The following ZEB2 variants were observed in gnomAD, a reference collection of about 807,000 sequenced individuals.
ZEB2 encodes the protein zinc finger E-box binding homeobox 2.
In ZEB2, 6 loss-of-function variants were observed where a neutral mutation model predicts 99.9. The ratio of observed to expected loss-of-function variants is 0.06; its 90% CI spans 0.03 to 0.12. ZEB2 has a LOEUF of 0.12. ZEB2 is among the 10% of genes least tolerant of loss of function. The pLI, the probability that ZEB2 is intolerant of heterozygous loss-of-function variation, is 1.00. For synonymous variants in ZEB2, 517 were observed against 542.5 expected, an observed-to-expected ratio of 0.95 and a Z score of 0.65; for missense variants, 969 against 1,502.8, an observed-to-expected ratio of 0.64 and a Z score of 5.87.
chr2:144,445,442 C>T (rs1016221909), intron 2 of ZEB2, among the ~76,000 whole-genome samples: 1 of 152,080 alleles, frequency 6.6e-6, no homozygotes, highest in African/African-American at 2.4e-5. Context: ...TTCATTCTCT[C>T]TCTCTTCCTC....
rs1333557666 is a variant in ZEB2 at position 144,384,710 on chromosome 2, A to G, written c.*4741T>C. On this transcript the variant is annotated 3_prime_UTR_variant, in exon 10 of 10. Transcript: ENST00000627532. ...GATTTACTAAATATGTACAATTTCA[A>G]TTCACAGCGAAGGTAACAAAGATTT... is the stretch of plus-strand genomic sequence containing the variant. 6.6e-6 allele frequency: 1 copy of G among 152,066 alleles called. No individual in the cohort carries two copies. Among genetic ancestry groups the G allele is most frequent in the Non-Finnish European group, 1.5e-5 (1 of 67,988 alleles). The allele number at this position is 152,066 out of a possible 1,614,324, so 9.4% of individuals were successfully genotyped here.
chr2:144,469,865 C>T (rs1704331505), intron 2 of ZEB2, among the ~76,000 whole-genome samples: 1 of 152,158 alleles, frequency 6.6e-6, no homozygotes, highest in African/African-American at 2.4e-5. Context: ...AGTGCATCTG[C>T]TCATTTGATA....
chr2:144,495,663 C>T (rs1290966498), intron 2 of ZEB2: 2 of 152,248 alleles, frequency 1.3e-5, no homozygotes, highest in Non-Finnish European at 2.9e-5. Context: ...AAGTACTGTG[C>T]ATGTTCTGCA....
chr2:144,424,727 C>T (rs1474436567), intron 4 of ZEB2, 69 bp downstream of exon 4: 3 of 1,563,892 alleles, frequency 1.9e-6, no homozygotes, highest in African/African-American at 2.7e-5. Context: ...GTCACTGTTT[C>T]CTTCCCTGCC....
intron 2 of ZEB2, among the ~76,000 whole-genome samples, chr2:144,434,593 C>T (rs1011974856): frequency 1.3e-5 from 2 of 152,174 alleles, no homozygotes; most frequent in Non-Finnish European, 2.9e-5. Context: ...TAAGTTTAAA[C>T]CCCACATGAC....
chr2:144,392,703 A>G (rs1200305611), intron 9 of ZEB2, among the ~76,000 whole-genome samples: 1 of 152,178 alleles, frequency 6.6e-6, no homozygotes, highest in Non-Finnish European at 1.5e-5. Context: ...TTGGACATTC[A>G]TCTCTTTTTA....
chr2:144,458,844 C>T (rs1704155362), intron 2 of ZEB2, among the ~76,000 whole-genome samples: 4 of 152,132 alleles, frequency 2.6e-5, no homozygotes, highest in Non-Finnish European at 1.5e-5. Flanking sequence ...TCAGCAGTTT[C>T]CCTTTTTGAG....
At chr2:144,414,637 A>T (rs1703511716) in intron 4 of ZEB2, among the ~76,000 whole-genome samples, 1 of 152,220 alleles carries the variant, frequency 6.6e-6, no homozygotes, top group Admixed American at 6.5e-5. Flanking sequence ...ACTAAGGTAC[A>T]GTGAGGTTAG....
rs1703117284 is a variant in ZEB2, at chr2:144,388,934, C to A, written c.*517G>T. On this transcript the variant is annotated 3_prime_UTR_variant, in exon 10 of 10. Transcript: ENST00000627532. This position sits in a 1 kb window ranked among gnomAD's most constrained non-coding sequence, Gnocchi z 5.4. ...GCCTAAAATTGTGTGGTTACTTAAG[C>A]TGAAAAAAAAAATGGGAAATTGATG... 3.3e-5 allele frequency: 14 copies of A among 427,646 alleles called. No homozygotes were observed. Among genetic ancestry groups the A allele is most frequent in the Non-Finnish European group, 4.2e-5 (9 of 215,988 alleles). The allele number at this position is 427,646 out of a possible 1,614,324, so 26.5% of individuals were successfully genotyped here.
intron 3 of ZEB2, chr2:144,428,132 T>C (rs1415034290): frequency 6.6e-6 from 1 of 152,226 alleles, no homozygotes; most frequent in Admixed American, 6.5e-5. Context: ...ATTCTAGTAA[T>C]TGGTCCTTAC....
chr2:144,435,573 T>C (rs1447441869), intron 2 of ZEB2, among the ~76,000 whole-genome samples: 2 of 149,208 alleles, frequency 1.3e-5, no homozygotes, highest in African/African-American at 2.5e-5. Context: ...CACTCCAGCC[T>C]GGGCAACAGA....
At chr2:144,483,482 A>G (rs1704548572) in intron 2 of ZEB2, among the ~76,000 whole-genome samples, 1 of 152,228 alleles carries the variant, frequency 6.6e-6, no homozygotes, top group South Asian at 2.1e-4. Flanking sequence ...ATGATTTACA[A>G]AAATATAACT....
intron 2 of ZEB2, chr2:144,461,967 T>A (rs182231471): frequency 1.6e-4 from 24 of 152,206 alleles, no homozygotes; most frequent in Admixed American, 7.2e-4. Flanking sequence ...TTAAAGGAAA[T>A]CCTCCACCCA....
chr2:144,415,206 T>C (rs919069612), intron 4 of ZEB2, among the ~76,000 whole-genome samples: 10 of 152,162 alleles, frequency 6.6e-5, no homozygotes, highest in Non-Finnish European at 1.0e-4. Context: ...TTTGACTGTT[T>C]CTAATTTGTA....
At position 144,389,756 on chromosome 2, in the gene ZEB2, G is replaced by C. The variant is rs768758098; in HGVS notation, c.3340C>G (p.Gln1114Glu). 6.2e-7 allele frequency: 1 copy of C among 1,609,192 alleles called. No homozygotes were observed. The highest frequency in any genetic ancestry group is 2.2e-5 in the East Asian group (1 of 44,780). The change falls in exon 10 of 10, where the codon CAG (glutamine) becomes GAG (glutamate). Residue 1114 changes from glutamine to glutamate, a missense_variant. This residue lies in a region of ZEB2 where 121 missense variants were observed against 166.4 expected (regional missense o/e 0.73). Coordinates refer to ENST00000627532, the MANE Select transcript of ZEB2 (RefSeq NM_014795.4). This position sits in a 1 kb window ranked among gnomAD's most constrained non-coding sequence, Gnocchi z 6.8. ...TELLMNRAYL[Q>E]SITPQGYSDS... ...GAGTACCCCTGAGGGGTAATGCTCT[G>C]CAAGTAAGCCCGGTTCATCAGCAGC... is the stretch of plus-strand genomic sequence containing the variant.
rs145201706 is a variant in ZEB2 at position 144,399,347 on chromosome 2, G to A, written c.1840C>T (p.Leu614=). 6.8e-4 allele frequency: 1,092 copies of A among 1,614,176 alleles called. 20 individuals are homozygous for A. In the East Asian group the frequency reaches 0.024, roughly 36 times the overall value. The part of the protein sequence containing the change: ...CKMNEEIKAV[L]QPHENIVPNK... The stretch of plus-strand genomic sequence containing the variant: ...GGGACTATGTTTTCATGAGGCTGCA[G>A]GACCGCCTTGATCTCTTCATTCATC... Residue 614 remains leucine, a synonymous_variant, in exon 8 of 10, where the codon CTG becomes TTG. Coordinates refer to ENST00000627532, the MANE Select transcript of ZEB2 (RefSeq NM_014795.4). This position sits in a 1 kb window ranked among gnomAD's most constrained non-coding sequence, Gnocchi z 5.6.
At chr2:144,394,342 G>C (rs1462773310) in intron 9 of ZEB2, 2 of 152,140 alleles carry the variant, frequency 1.3e-5, no homozygotes, top group African/African-American at 2.4e-5. Flanking sequence ...TATATTGACT[G>C]GATGTCAATG....
chr2:144,498,896 C>T (rs1440014528), intron 2 of ZEB2, among the ~76,000 whole-genome samples: 2 of 152,112 alleles, frequency 1.3e-5, no homozygotes, highest in Admixed American at 1.3e-4. Flanking sequence ...CAGAGTGAGA[C>T]CCTGTCTCTA....
At chr2:144,457,791 C>T (rs998006139) in intron 2 of ZEB2, among the ~76,000 whole-genome samples, 1 of 152,090 alleles carries the variant, frequency 6.6e-6, no homozygotes, top group Non-Finnish European at 1.5e-5. Flanking sequence ...CTCTCATCTC[C>T]CAATTTCTCT....
Sources: gnomAD v4.1 joint callset for allele counts (sites outside exome capture counted in the v4.1 genomes callset) on GRCh38, gnomAD v4.1.1 for gene constraint, gnomAD v4.1.1 regional missense constraint, Gnocchi (gnomAD v3.1) non-coding constraint, MANE v1.5 for transcripts, NCBI Gene and HGNC (gene_info 2026-07-23, HGNC 2026-07-21) for gene names.